Variants in TRAF3IP1 observed in about 807,000 individuals in gnomAD.
The protein encoded by TRAF3IP1 is TRAF3-interacting protein 1.
Under a neutral mutation model 89.9 loss-of-function variants are expected in TRAF3IP1, and 53 were observed. The ratio of observed to expected loss-of-function variants is 0.59; its 90% confidence interval spans 0.47 to 0.74. The LOEUF is 0.74. TRAF3IP1 is among the 30% of genes least tolerant of loss of function. The pLI is 0.00. For missense variants in TRAF3IP1, 806 were observed against 866.1 expected, an observed-to-expected ratio of 0.93 and a Z score of 0.87; for synonymous variants, 311 against 322.1, an observed-to-expected ratio of 0.97 and a Z score of 0.37.
At chr2:238,388,444 C>A (rs1700865669) in intron 15 of TRAF3IP1, among the ~76,000 whole-genome samples, 1 of 151,348 alleles carries the variant, frequency 6.6e-6, no homozygotes, top group South Asian at 2.1e-4. Flanking sequence ...CCAACTTGAC[C>A]TACATTCGAG....
At chr2:238,352,590 G>A (rs894641046) in intron 12 of TRAF3IP1, among the ~76,000 whole-genome samples, 5 of 151,970 alleles carry the variant, frequency 3.3e-5, no homozygotes, top group Non-Finnish European at 7.4e-5. Context: ...GCACAGGGAC[G>A]TGGGGAAGCT....
In TRAF3IP1 at chr2:238,351,866, T is replaced by TGTGTGTGTGTGTGTGTGCGC. The variant is rs1421537563; in HGVS notation, c.1452-960_1452-959insTGTGTGTGTGTGTGTGCGCG. Among the ~76,000 whole-genome samples the TGTGTGTGTGTGTGTGTGCGC allele has an allele frequency of 7.8e-6, 1 of 128,194 alleles. No individual in the cohort carries two copies. The highest frequency in any genetic ancestry group is 3.4e-5 in the African/African-American group (1 of 29,418). The allele number at this position is 128,194 out of a possible 152,430, so 84.1% of individuals were successfully genotyped here. A position where few individuals can be genotyped will look rare whatever the true frequency, so the allele number is the denominator to read the frequency against. On this transcript the variant is annotated intron_variant, in intron 12 of 16. Transcript: ENST00000373327. This position sits in a 1 kb window ranked among gnomAD's most constrained non-coding sequence, Gnocchi z 5.2. ...GTGTGTGTGTGTGTGTGTGTGTGTG[T>TGTGTGTGTGTGTGTGTGCGC]GCGCGCGCGCGCGTGTGCGTGCATG...
rs1421645264 is a variant in TRAF3IP1 at position 238,339,094 on chromosome 2, T to C, written c.1159+637T>C. Among the ~76,000 whole-genome samples the C allele has an allele frequency of 5.3e-5, 8 of 152,212 alleles. No individual in the cohort carries two copies. In the East Asian group the frequency reaches 1.5e-3, roughly 29 times the overall value. On this transcript the variant is annotated intron_variant, in intron 8 of 16. Coordinates refer to ENST00000373327, the MANE Select transcript of TRAF3IP1 (RefSeq NM_015650.4). ...AGAGGAAATTTTTGCTGGGCCCAAC[T>C]TGCCTTGTATCTGTCTGACTTTTAC...
intron 15 of TRAF3IP1, among the ~76,000 whole-genome samples, chr2:238,359,044 A>G (rs1455152089): frequency 6.6e-6 from 1 of 152,232 alleles, no homozygotes; most frequent in Non-Finnish European, 1.5e-5. Flanking sequence ...CATGTAAATG[A>G]GCATGTGTGG....
In TRAF3IP1 at chr2:238,329,094, C is replaced by T. The variant is rs752223651; in HGVS notation, c.667C>T (p.Arg223Trp). The change falls in exon 5 of 17, where the codon CGG (arginine) becomes TGG (tryptophan). Residue 223 changes from arginine (R) to tryptophan (W), a missense_variant. Arg to Trp is a moderately radical substitution (Grantham distance 101). Transcript: ENST00000373327. ...AGGGGAGAGAGAGAGAGCCAAAGCC[C>T]GGGCCAGGCCAGACAACGAGCGACA... Reference protein sequence around the residue: ...REGERERAKARARPDNERQKD... With the variant: ...REGERERAKAWARPDNERQKD... The T allele has an allele frequency of 5.8e-6, 9 of 1,550,796 alleles. No homozygotes were observed. The highest frequency in any genetic ancestry group is 2.4e-5 in the East Asian group (1 of 40,888).
intron 1 of TRAF3IP1, among the ~76,000 whole-genome samples, chr2:238,324,342 A>G (rs6431593): frequency 0.12 from 17,800 of 152,066 alleles, 1,775 homozygotes; most frequent in African/African-American, 0.27. Context: ...TGCTGGGATT[A>G]CAGGTGTAAG....
At chr2:238,375,047 T>C (rs936980946) in intron 15 of TRAF3IP1, among the ~76,000 whole-genome samples, 3 of 152,192 alleles carry the variant, frequency 2.0e-5, no homozygotes, top group Admixed American at 1.3e-4. Context: ...TTGCTAGCGG[T>C]CTATCAGTTT....
At chr2:238,394,102 A>G (rs963878581) in intron 15 of TRAF3IP1, among the ~76,000 whole-genome samples, 4 of 152,158 alleles carry the variant, frequency 2.6e-5, no homozygotes, top group Admixed American at 6.5e-5. Flanking sequence ...AGGCCGAGGC[A>G]GGAGAATCGC....
chr2:238,389,115 G>C (rs1463090736), intron 15 of TRAF3IP1, among the ~76,000 whole-genome samples: 1 of 152,138 alleles, frequency 6.6e-6, no homozygotes, highest in Non-Finnish European at 1.5e-5. Flanking sequence ...GAGTGTGGCT[G>C]AGCAGTCACA....
At chr2:238,342,167 T>A (rs1000825847) in intron 8 of TRAF3IP1, among the ~76,000 whole-genome samples, 2 of 152,066 alleles carry the variant, frequency 1.3e-5, no homozygotes, top group African/African-American at 4.8e-5. Flanking sequence ...TTTTGTGTTT[T>A]CAGTAGAGAT....
chr2:238,398,733 G>C, intron 16 of TRAF3IP1, 21 bp from the exon 17 acceptor site: 1 of 1,552,904 alleles, frequency 6.4e-7, no homozygotes, highest in East Asian at 2.3e-5. Context: ...GTGATGAGCC[G>C]CTGGTTTTGT....
At chr2:238,321,919 C>G (rs1430458971) in intron 1 of TRAF3IP1, among the ~76,000 whole-genome samples, 3 of 152,194 alleles carry the variant, frequency 2.0e-5, no homozygotes. Context: ...TGGTTCTGCC[C>G]TCCTACCTTA....
chr2:238,372,471 T>C (rs1344995235), intron 15 of TRAF3IP1, among the ~76,000 whole-genome samples: 1 of 152,232 alleles, frequency 6.6e-6, no homozygotes, highest in Non-Finnish European at 1.5e-5. Flanking sequence ...CATCCCTTTT[T>C]TATAGCTGCA....
At chr2:238,380,524 G>C (rs574358291) in intron 15 of TRAF3IP1, among the ~76,000 whole-genome samples, 1 of 152,264 alleles carries the variant, frequency 6.6e-6, no homozygotes, top group Admixed American at 6.5e-5. Context: ...ATGCACTGCT[G>C]CCCGACCCAG....
At chr2:238,390,869 G>A (rs368238855) in intron 15 of TRAF3IP1, among the ~76,000 whole-genome samples, 14 of 152,022 alleles carry the variant, frequency 9.2e-5, no homozygotes, top group African/African-American at 3.4e-4. Flanking sequence ...CACTGACTGC[G>A]GGTCCTGCTG....
At chr2:238,389,749 A>G (rs1700917295) in intron 15 of TRAF3IP1, among the ~76,000 whole-genome samples, 1 of 51,302 alleles carries the variant, frequency 1.9e-5, no homozygotes, top group South Asian at 6.7e-4. Flanking sequence ...CTCCATCTCA[A>G]ATAATAATAA....
At chr2:238,335,148 G>C (rs1270033196) in intron 7 of TRAF3IP1, among the ~76,000 whole-genome samples, 1 of 152,062 alleles carries the variant, frequency 6.6e-6, no homozygotes, top group African/African-American at 2.4e-5. Context: ...ATTATATTTG[G>C]TTTGGTTTCT....
Position 238,377,530 on chromosome 2 carries a change from A to G in TRAF3IP1, c.1690-19929A>G, listed in dbSNP as rs555109026. ...ACTATATGATTGTAGCTTTTCTAAT[A>G]TGAAACAGTCTTTACATTCCTTGGA... On this transcript the variant is annotated intron_variant, in intron 15 of 16. Coordinates refer to ENST00000373327, the MANE Select transcript of TRAF3IP1 (RefSeq NM_015650.4). Among the ~76,000 whole-genome samples, 4 of 152,286 alleles carry G rather than the reference A, an allele frequency of 2.6e-5. No homozygotes were observed. In the South Asian group the frequency reaches 8.3e-4, roughly 32 times the overall value.
At chr2:238,357,198 C>T (rs1699454529) in intron 15 of TRAF3IP1, among the ~76,000 whole-genome samples, 1 of 152,190 alleles carries the variant, frequency 6.6e-6, no homozygotes, top group Non-Finnish European at 1.5e-5. Context: ...CAGCCACTAC[C>T]CTTTCCTTGG....
Sources: allele counts gnomAD v4.1 joint callset (sites outside exome capture counted in the v4.1 genomes callset), GRCh38; gene constraint gnomAD v4.1.1; non-coding constraint Gnocchi (gnomAD v3.1); transcripts MANE v1.5; gene names NCBI Gene and HGNC (gene_info 2026-07-23, HGNC 2026-07-21).